MTTP: variants seen among roughly 807,000 people sequenced by gnomAD.
The protein encoded by MTTP is microsomal triglyceride transfer protein.
In MTTP, 49 loss-of-function variants were observed where a neutral mutation model predicts 90.6. The ratio of observed to expected loss-of-function variants is 0.54; its 90% CI spans 0.43 to 0.69. MTTP has a LOEUF of 0.69. Ranked by LOEUF, MTTP falls within the 30% of genes least tolerant of loss-of-function variation. MTTP has a pLI of 0.00. For synonymous variants in MTTP, 347 were observed against 384.2 expected, an observed-to-expected ratio of 0.90 and a Z score of 1.13; for missense variants, 945 against 1,067.5, an observed-to-expected ratio of 0.89 and a Z score of 1.60.
In MTTP at chr4:99,619,088, G is replaced by C; in HGVS notation, c.2332G>C (p.Val778Leu). 6.2e-7 allele frequency: 1 copy of C among 1,613,320 alleles called. No individual in the cohort carries two copies. Among genetic ancestry groups the C allele is most frequent in the Non-Finnish European group, 8.5e-7 (1 of 1,179,418 alleles). The change falls in exon 16 of 18, where the codon GTG (valine) becomes CTG (leucine). Residue 778 changes from valine to leucine, a missense_variant. Coordinates refer to ENST00000265517, the MANE Select transcript of MTTP (RefSeq NM_001386140.1). Reference protein sequence around the residue: ...SLWYRESKTRVKNRVTVVITT... With the variant: ...SLWYRESKTRLKNRVTVVITT... ...GTGGTATCGTGAGTCTAAAACCCGA[G>C]TGAAAAATAGGTAAGTGTTTATGCA...
chr4:99,613,241 C>A, intron 15 of MTTP, 101 bp downstream of exon 15: 1 of 1,034,200 alleles, frequency 9.7e-7, no homozygotes, highest in Non-Finnish European at 1.5e-6. Context: ...AAATTGTGCC[C>A]ATCTTGGAGC....
chr4:99,591,195 C>A, intron 4 of MTTP, 40 bp from the exon 5 acceptor site: 2 of 1,439,442 alleles, frequency 1.4e-6, no homozygotes, highest in South Asian at 1.1e-5. Flanking sequence ...AAATGGCCCA[C>A]AAGGAATCCC....
chr4:99,570,536 G>C (rs1002718218), upstream of MTTP, among the ~76,000 whole-genome samples: 5 of 151,850 alleles, frequency 3.3e-5, no homozygotes, highest in African/African-American at 1.2e-4. Flanking sequence ...ATTGAGCCTC[G>C]TGAATCTGTG....
rs1288749831 is a variant in MTTP, at chr4:99,612,163, C to G, written c.1989+710C>G. On this transcript the variant is annotated intron_variant, in intron 14 of 17. Coordinates refer to ENST00000265517, the MANE Select transcript of MTTP (RefSeq NM_001386140.1). ...TATAAAAACTTGAGTCTTTATCAAT[C>G]TTATATTACTATACCTTTTGGTAGT... Among the ~76,000 whole-genome samples, 6 of 152,106 alleles carry G rather than the reference C, an allele frequency of 3.9e-5. No individual in the cohort carries two copies. The South Asian group carries it at 1.0e-3, about 26-fold the overall frequency.
intron 15 of MTTP, among the ~76,000 whole-genome samples, chr4:99,614,362 A>C (rs1317792063): frequency 2.0e-5 from 3 of 152,150 alleles, no homozygotes; most frequent in Admixed American, 6.5e-5. Flanking sequence ...GGGCTGGGAG[A>C]TATCTTAGGT....
In MTTP at chr4:99,593,997, G is replaced by T. The variant is rs1357195472; in HGVS notation, c.759-736G>T. ...CAGACAGTCAAACTATTCAAAGGTGGTTCCCCCATGTATCTGGTGCATGGG... is the reference window on the plus strand; with the variant it reads ...CAGACAGTCAAACTATTCAAAGGTGTTTCCCCCATGTATCTGGTGCATGGG... On this transcript the variant is annotated intron_variant, in intron 6 of 17. Coordinates refer to ENST00000265517, the MANE Select transcript of MTTP (RefSeq NM_001386140.1). Among the ~76,000 whole-genome samples, 4 of 152,080 alleles carry T rather than the reference G, an allele frequency of 2.6e-5. No individual in the cohort carries two copies. The South Asian group carries it at 8.3e-4, about 32-fold the overall frequency.
intron 16 of MTTP, 92 bp downstream of exon 16, chr4:99,619,190 T>G: frequency 8.2e-7 from 1 of 1,217,624 alleles, no homozygotes. Flanking sequence ...ATCTTCTGAC[T>G]TTTCAAAATC....
At chr4:99,573,459 G>C (rs1235880700), upstream of MTTP, among the ~76,000 whole-genome samples, 2 of 151,990 alleles carry the variant, frequency 1.3e-5, no homozygotes, top group Non-Finnish European at 1.5e-5. Context: ...ATAACTTAAG[G>C]GGGTTTCTCC....
In MTTP at chr4:99,609,096, A is replaced by G. The variant is rs556957827; in HGVS notation, c.1769+119A>G. The G allele has an allele frequency of 1.7e-5, 17 of 1,019,240 alleles. No individual in the cohort carries two copies. The African/African-American group carries it at 2.2e-4, about 13-fold the overall frequency. 63.1% of individuals were successfully genotyped at this position (1,019,240 alleles called of 1,614,324 possible). ...TGCAGGGTTACGTTGCATAAAACCAAAGAGTGCCAGATTTCCCATAATAGG... is the reference window on the plus strand; with the variant it reads ...TGCAGGGTTACGTTGCATAAAACCAGAGAGTGCCAGATTTCCCATAATAGG... On this transcript the variant is annotated intron_variant, in intron 12 of 17. Coordinates refer to ENST00000265517, the MANE Select transcript of MTTP (RefSeq NM_001386140.1).
chr4:99,620,585 A>G (rs1486032491), intron 16 of MTTP, among the ~76,000 whole-genome samples: 1 of 152,112 alleles, frequency 6.6e-6, no homozygotes. Flanking sequence ...GCCTCTAGAG[A>G]CTCTTTGGAG....
At chr4:99,601,017 G>A (rs1725683941) in intron 9 of MTTP, among the ~76,000 whole-genome samples, 1 of 152,068 alleles carries the variant, frequency 6.6e-6, no homozygotes, top group Non-Finnish European at 1.5e-5. Flanking sequence ...TTTCAGAGGG[G>A]AGAAATCTAG....
intron 1 of MTTP, among the ~76,000 whole-genome samples, chr4:99,565,555 A>G (rs1439713547): frequency 1.3e-5 from 2 of 152,232 alleles, no homozygotes. Flanking sequence ...TGACACATGT[A>G]TCGAGTTCTA....
At chr4:99,567,372 G>T (rs1006065676) in intron 1 of MTTP, among the ~76,000 whole-genome samples, 1 of 152,088 alleles carries the variant, frequency 6.6e-6, no homozygotes, top group Non-Finnish European at 1.5e-5. Flanking sequence ...TGAACAGGAA[G>T]GAGCAAACCC....
rs114063833 is a variant in MTTP at position 99,592,969 on chromosome 4, C to T, written c.758+1179C>T. Among the ~76,000 whole-genome samples the T allele has an allele frequency of 2.2e-3, 340 of 152,212 alleles. 1 individual carries two copies. The highest frequency in any genetic ancestry group is 7.7e-3 in the African/African-American group (320 of 41,534). ...TTAACCACCAGCATCGACAAAAACA[C>T]GTGAGTAATGCTTTGCACTGTGATG... On this transcript the variant is annotated intron_variant, in intron 6 of 17. Coordinates refer to ENST00000265517, the MANE Select transcript of MTTP (RefSeq NM_001386140.1).
chr4:99,608,941 T>C lies in MTTP; in HGVS notation c.1733T>C (p.Ile578Thr). ...GAAATGAATAAATACATGCTCGCCA[T>C]TGTTCAAGACATCCTACGTTTTGAA... ...PQEMNKYMLA[I>T]VQDILRFEMP... The change falls in exon 12 of 18, where the codon ATT (isoleucine) becomes ACT (threonine). Residue 578 changes from isoleucine (I) to threonine (T), a missense_variant. Physicochemically the swap from Ile to Thr is moderately conservative, Grantham distance 89 (BLOSUM62 -1). Coordinates refer to ENST00000265517, the MANE Select transcript of MTTP (RefSeq NM_001386140.1). 6.2e-7 allele frequency: 1 copy of C among 1,614,166 alleles called. No individual in the cohort carries two copies. Among genetic ancestry groups the C allele is most frequent in the South Asian group, 1.1e-5 (1 of 91,078 alleles).
chr4:99,587,773 T>A (rs957101905), intron 3 of MTTP, among the ~76,000 whole-genome samples: 3 of 152,174 alleles, frequency 2.0e-5, no homozygotes, highest in African/African-American at 7.2e-5. Flanking sequence ...AATCTAGTTA[T>A]GAACTTCTAA....
intron 10 of MTTP, 107 bp downstream of exon 10, chr4:99,601,821 T>C: frequency 1.1e-6 from 1 of 870,792 alleles, no homozygotes; most frequent in Non-Finnish European, 1.9e-6. Context: ...TACTCTATTC[T>C]ACTTACCTTA....
intron 10 of MTTP, among the ~76,000 whole-genome samples, chr4:99,602,325 C>T (rs1725719584): frequency 6.6e-6 from 1 of 152,096 alleles, no homozygotes; most frequent in Non-Finnish European, 1.5e-5. Flanking sequence ...AAAGCAAAAA[C>T]ACTTTTTAAG....
At chr4:99,564,624 G>C (rs191277772) in intron 1 of MTTP, among the ~76,000 whole-genome samples, 1 of 152,090 alleles carries the variant, frequency 6.6e-6, no homozygotes, top group Non-Finnish European at 1.5e-5. Context: ...TATAGATCAT[G>C]TCAACTGAGA....
Sources: allele counts gnomAD v4.1 joint callset (sites outside exome capture counted in the v4.1 genomes callset), GRCh38; gene constraint gnomAD v4.1.1; transcripts MANE v1.5; gene names NCBI Gene and HGNC (gene_info 2026-07-23, HGNC 2026-07-21).